The following PCDH15 variants were observed in gnomAD, a reference collection of about 807,000 sequenced individuals.
PCDH15 encodes protocadherin related 15, also known as protocadherin-15.
Under a neutral mutation model 178.5 loss-of-function variants are expected in PCDH15, and 129 were observed. The ratio of observed to expected loss-of-function variants is 0.72; its 90% CI spans 0.63 to 0.84. The LOEUF (loss-of-function observed/expected upper bound fraction) is 0.84. Ranked by LOEUF, PCDH15 falls within the 40% of genes least tolerant of loss-of-function variation. The pLI, the probability that PCDH15 is intolerant of heterozygous loss-of-function variation, is 0.00. For missense variants in PCDH15, 2,230 were observed against 2,099.9 expected, an observed-to-expected ratio of 1.06 and a Z score of -1.21; for synonymous variants, 800 against 732.0, an observed-to-expected ratio of 1.09 and a Z score of -1.50.
chr10:53,902,661 A>G (rs2082405536), intron 26 of PCDH15, among the ~76,000 whole-genome samples: 1 of 152,134 alleles, frequency 6.6e-6, no homozygotes, highest in Non-Finnish European at 1.5e-5. Flanking sequence ...AGTAATAAAC[A>G]TTTGATGATA....
intron 3 of PCDH15, among the ~76,000 whole-genome samples, chr10:54,394,880 T>C (rs911591944): frequency 1.3e-5 from 2 of 152,142 alleles, no homozygotes; most frequent in Admixed American, 6.5e-5. Context: ...AAGAATTCAG[T>C]GATATTTCTC....
At chr10:54,918,142 GC>G (rs1351966092) in intron 2 of PCDH15, among the ~76,000 whole-genome samples, 1 of 151,814 alleles carries the variant, frequency 6.6e-6, no homozygotes, top group Non-Finnish European at 1.5e-5. Context: ...GCTTGTTAAG[GC>G]CTTTATTTTG....
At chr10:53,902,670 T>C (rs187612596) in intron 26 of PCDH15, among the ~76,000 whole-genome samples, 92 of 152,212 alleles carry the variant, frequency 6.0e-4, no homozygotes, top group African/African-American at 2.2e-3. Flanking sequence ...CATTTGATGA[T>C]AAATAAAGAA....
At position 53,807,038 on chromosome 10, in the gene PCDH15, G is replaced by A; in HGVS notation, c.4764C>T (p.Asn1588=). ...GEDSAPECQR[N]RLHHPSIHSN... Reference sequence around the variant, plus strand: ...TGTGGATACTAGGATGGTGAAGACGGTTTCTCTGACATTCAGGAGCACTGT... The same window carrying A: ...TGTGGATACTAGGATGGTGAAGACGATTTCTCTGACATTCAGGAGCACTGT... The change falls in exon 38 of 38, where the codon AAC becomes AAT. Residue 1588 remains asparagine, a synonymous_variant. Coordinates refer to ENST00000644397, the MANE Select transcript of PCDH15 (RefSeq NM_001384140.1). 6.2e-7 allele frequency: 1 copy of A among 1,613,622 alleles called. No homozygotes were observed.
intron 2 of PCDH15, among the ~76,000 whole-genome samples, chr10:55,585,779 G>GTA (rs1459568803): frequency 8.6e-5 from 13 of 151,886 alleles, no homozygotes; most frequent in African/African-American, 2.2e-4. Context: ...ATGTGTGTGT[G>GTA]TATATATATA....
chr10:55,469,876 T>G (rs376038867), intron 2 of PCDH15, among the ~76,000 whole-genome samples: 9 of 152,118 alleles, frequency 5.9e-5, no homozygotes, highest in African/African-American at 1.9e-4. Context: ...ATATATAAAA[T>G]TAAATATTAA....
At chr10:54,321,696 G>A (rs1023830592) in intron 7 of PCDH15, among the ~76,000 whole-genome samples, 11 of 151,896 alleles carry the variant, frequency 7.2e-5, no homozygotes, top group Non-Finnish European at 1.6e-4. Context: ...AGATACTGGT[G>A]TGTTAAAGAT....
At chr10:55,476,498 G>A (rs1201285884) in intron 2 of PCDH15, among the ~76,000 whole-genome samples, 1 of 151,836 alleles carries the variant, frequency 6.6e-6, no homozygotes, top group African/African-American at 2.4e-5. Flanking sequence ...TACTTAGGAA[G>A]TTAAAATGGA....
chr10:53,922,005 CT>C (rs1172377381), intron 25 of PCDH15, among the ~76,000 whole-genome samples: 3 of 151,882 alleles, frequency 2.0e-5, no homozygotes, highest in African/African-American at 4.8e-5. Context: ...AGTATATTTT[CT>C]TTTTTATAAT....
At chr10:55,574,989 C>A (rs1589149077) in intron 2 of PCDH15, among the ~76,000 whole-genome samples, 1 of 151,974 alleles carries the variant, frequency 6.6e-6, no homozygotes, top group East Asian at 1.9e-4. Context: ...AAATAGGAAG[C>A]AAAGTAGTAA....
At chr10:54,715,540 G>C (rs901337995) in intron 1 of PCDH15, among the ~76,000 whole-genome samples, 1 of 152,074 alleles carries the variant, frequency 6.6e-6, no homozygotes, top group Non-Finnish European at 1.5e-5. Context: ...GAAGATAGTG[G>C]GCAAGCCACC....
intron 2 of PCDH15, among the ~76,000 whole-genome samples, chr10:55,515,843 ACT>A (rs1841001463): frequency 6.6e-6 from 1 of 152,064 alleles, no homozygotes; most frequent in South Asian, 2.1e-4. Flanking sequence ...GTGGATTATT[ACT>A]CTCTGTAAGG....
chr10:55,091,555 C>T (rs1193285218), intron 2 of PCDH15, among the ~76,000 whole-genome samples: 2 of 151,860 alleles, frequency 1.3e-5, no homozygotes, highest in African/African-American at 4.8e-5. Context: ...GGTACAATTA[C>T]TAAAACAAAA....
At chr10:55,203,942 G>A (rs902036758) in intron 1 of PCDH15, among the ~76,000 whole-genome samples, 2 of 151,890 alleles carry the variant, frequency 1.3e-5, no homozygotes, top group African/African-American at 2.4e-5. Context: ...TGGGCTTGGT[G>A]GTGCATGCCT....
chr10:54,001,022 G>C (rs529235748), intron 20 of PCDH15, among the ~76,000 whole-genome samples: 43 of 151,216 alleles, frequency 2.8e-4, no homozygotes, highest in Non-Finnish European at 5.4e-4. Flanking sequence ...CAGGCCAAGA[G>C]AGAGTGGCAT....
intron 1 of PCDH15, among the ~76,000 whole-genome samples, chr10:55,283,300 T>C (rs893479132): frequency 6.6e-6 from 1 of 151,976 alleles, no homozygotes; most frequent in Non-Finnish European, 1.5e-5. Context: ...CTCCCTATGA[T>C]TTCATCTTGG....
chr10:55,341,785 ATATATATATATATATATATATTTTTTTTT>A (rs1460187030), intron 2 of PCDH15, among the ~76,000 whole-genome samples: 553 of 21,446 alleles, frequency 0.026, 28 homozygotes, highest in East Asian at 0.076. Context: ...ATATATATAT[ATATATATATATATATATATATTTTTTTTT>A]TTTTTTTTTT....
At chr10:55,503,382 CTAAA>C (rs1840696557) in intron 2 of PCDH15, among the ~76,000 whole-genome samples, 1 of 146,412 alleles carries the variant, frequency 6.8e-6, no homozygotes, top group Admixed American at 6.9e-5. Flanking sequence ...TTCTAAATAG[CTAAA>C]TAATTTAAAA....
chr10:55,589,825 G>A (rs976852746), intron 2 of PCDH15, among the ~76,000 whole-genome samples: 2 of 150,838 alleles, frequency 1.3e-5, no homozygotes, highest in Non-Finnish European at 3.0e-5. Context: ...AGGTGCTGGA[G>A]AGGATGTGGG....
Sources: gnomAD v4.1 joint callset for allele counts (sites outside exome capture counted in the v4.1 genomes callset) on GRCh38, gnomAD v4.1.1 for gene constraint, MANE v1.5 for transcripts, NCBI Gene and HGNC (gene_info 2026-07-23, HGNC 2026-07-21) for gene names.